The following TP53BP1 variants were observed in gnomAD, a reference collection of about 807,000 sequenced individuals.
TP53BP1 encodes tumor protein p53 binding protein 1.
Under a neutral mutation model 200.8 loss-of-function variants are expected in TP53BP1, and 61 were observed. The ratio of observed to expected loss-of-function variants is 0.30; its 90% confidence interval spans 0.25 to 0.38. The LOEUF is 0.38. TP53BP1 is among the 10% of genes least tolerant of loss of function. TP53BP1 has a pLI of 1.00. For synonymous variants in TP53BP1, 822 were observed against 844.3 expected, an observed-to-expected ratio of 0.97 and a Z score of 0.46; for missense variants, 2,144 against 2,371.9, an observed-to-expected ratio of 0.90 and a Z score of 2.00.
chr15:43,475,701 A>G lies in TP53BP1; in HGVS notation c.956-7T>C. The G allele has an allele frequency of 1.2e-6, 2 of 1,613,464 alleles. No homozygotes were observed. The highest frequency in any genetic ancestry group is 1.7e-6 in the Non-Finnish European group (2 of 1,179,988). On this transcript the variant is annotated splice_polypyrimidine_tract_variant and splice_region_variant and intron_variant, in intron 8 of 27. Transcript: ENST00000382044. ...GAGCAACCATCAGAAGATACTGAAAAAAAGAAATTCCAGTTGCACTTCTCA... is the reference window on the plus strand; with the variant it reads ...GAGCAACCATCAGAAGATACTGAAAGAAAGAAATTCCAGTTGCACTTCTCA...
chr15:43,428,293 C>G (rs2045596238), intron 17 of TP53BP1, 125 bp from the exon 18 acceptor site: 2 of 857,274 alleles, frequency 2.3e-6, no homozygotes, highest in East Asian at 5.0e-5. Flanking sequence ...AATCTTCCTA[C>G]TGTTTTGTTT....
chr15:43,406,841 C>T lies in TP53BP1; in HGVS notation c.*542G>A, dbSNP rs936567899. 4 of 321,886 alleles carry T rather than the reference C, an allele frequency of 1.2e-5. No individual in the cohort carries two copies. The highest frequency in any genetic ancestry group is 8.0e-5 in the Admixed American group (2 of 24,866). 19.9% of individuals were successfully genotyped at this position (321,886 alleles called of 1,614,324 possible). A position where few individuals can be genotyped will look rare whatever the true frequency, so the allele number is the denominator to read the frequency against. On this transcript the variant is annotated 3_prime_UTR_variant, in exon 28 of 28. Coordinates refer to ENST00000382044, the MANE Select transcript of TP53BP1 (RefSeq NM_001141980.3). ...GTCCCTTCATGGCAGTTGGTCCTTT[C>T]GTTCTCCCTTTAGCTCTAAGAGTTG...
At chr15:43,499,269 G>A (rs1466284495) in intron 1 of TP53BP1, among the ~76,000 whole-genome samples, 2 of 152,126 alleles carry the variant, frequency 1.3e-5, no homozygotes, top group East Asian at 1.9e-4. Flanking sequence ...CTACTTAAGG[G>A]TGGAGAGGGG....
At position 43,403,668 on chromosome 15, in the gene TP53BP1, C is replaced by T; in HGVS notation, c.*3715G>A. The T allele has an allele frequency of 6.3e-7, 1 of 1,590,632 alleles. No individual in the cohort carries two copies. ...CTTCCTTCCTTTCCTAATGCCAACT[C>T]TGTTTCCCGGGTAGGTGTTTCACTG... On this transcript the variant is annotated 3_prime_UTR_variant, in exon 28 of 28. Coordinates refer to ENST00000382044, the MANE Select transcript of TP53BP1 (RefSeq NM_001141980.3).
rs191819182 is a variant in TP53BP1 at position 43,433,725 on chromosome 15, C to G, written c.3192-1048G>C. ...CATGCTAAGACCACATCTGGAATAT[C>G]TGTTTCAGTTCTCGGCATGACAGTT... On this transcript the variant is annotated intron_variant, in intron 16 of 27. Transcript: ENST00000382044. 3.3e-5 allele frequency among the ~76,000 whole-genome samples: 5 copies of G among 152,286 alleles called. No homozygotes were observed. The East Asian group carries it at 9.6e-4, about 29-fold the overall frequency.
intron 12 of TP53BP1, among the ~76,000 whole-genome samples, chr15:43,455,208 C>G (rs1247949102): frequency 6.6e-6 from 1 of 152,122 alleles, no homozygotes; most frequent in East Asian, 1.9e-4. Flanking sequence ...TACTCATCAA[C>G]AGTTCTGAAT....
chr15:43,415,808 G>A lies in TP53BP1; in HGVS notation c.4875C>T (p.Asp1625=), dbSNP rs1177786605. 6.2e-7 allele frequency: 1 copy of A among 1,613,594 alleles called. No homozygotes were observed. Among genetic ancestry groups the A allele is most frequent in the Non-Finnish European group, 8.5e-7 (1 of 1,179,750 alleles). The part of the protein sequence containing the change: ...PLTKAADISL[D]NLVEGKRKRR... ...GTTTCCGCTTCCCTTCCACCAAATT[G>A]TCTATGGCAGGATAAGCCAAACAGG... is the stretch of plus-strand genomic sequence containing the variant. The change falls in exon 23 of 28, where the codon GAC becomes GAT. Residue 1625 remains aspartate, a splice_region_variant and synonymous_variant. Transcript: ENST00000382044.
At chr15:43,423,395 C>T (rs1490522803) in intron 18 of TP53BP1, among the ~76,000 whole-genome samples, 1 of 151,800 alleles carries the variant, frequency 6.6e-6, no homozygotes, top group Non-Finnish European at 1.5e-5. Flanking sequence ...TGGTGGCTCA[C>T]GCCTGTAATC....
At chr15:43,508,312 A>G (rs2079249538) in intron 1 of TP53BP1, among the ~76,000 whole-genome samples, 1 of 152,084 alleles carries the variant, frequency 6.6e-6, no homozygotes, top group Non-Finnish European at 1.5e-5. Flanking sequence ...GTGAACCAAG[A>G]TCACGCCACT....
intron 10 of TP53BP1, among the ~76,000 whole-genome samples, chr15:43,471,986 A>G (rs2046737292): frequency 2.0e-5 from 3 of 152,250 alleles, no homozygotes; most frequent in Admixed American, 2.0e-4. Context: ...TTGTAGCAGA[A>G]GAAAGCCTAA....
chr15:43,406,736 G>A lies in TP53BP1; in HGVS notation c.*647C>T, dbSNP rs1442726158. On this transcript the variant is annotated 3_prime_UTR_variant, in exon 28 of 28. Coordinates refer to ENST00000382044, the MANE Select transcript of TP53BP1 (RefSeq NM_001141980.3). ...ATAATATTGGGTCTTTGACTAGAAC[G>A]TGTAACATTTCCAGGTGTTCTCACT... 6 of 397,748 alleles carry A rather than the reference G, an allele frequency of 1.5e-5. No individual in the cohort carries two copies. The highest frequency in any genetic ancestry group is 6.1e-5 in the Admixed American group (2 of 32,646). 24.6% of individuals were successfully genotyped at this position (397,748 alleles called of 1,614,324 possible). A position where few individuals can be genotyped will look rare whatever the true frequency, so the allele number is the denominator to read the frequency against.
At chr15:43,497,695 A>G (rs2079189515), upstream of TP53BP1, among the ~76,000 whole-genome samples, 1 of 152,220 alleles carries the variant, frequency 6.6e-6, no homozygotes. Flanking sequence ...AAAGAGAGAA[A>G]GTAGAATGGT....
At chr15:43,471,472 G>A (rs2140096916) in intron 10 of TP53BP1, among the ~76,000 whole-genome samples, 1 of 152,084 alleles carries the variant, frequency 6.6e-6, no homozygotes, top group East Asian at 1.9e-4. Flanking sequence ...TGTTGTCCAG[G>A]CTGCGACGCA....
In TP53BP1 at chr15:43,406,396, A is replaced by G. The variant is rs2044879115; in HGVS notation, c.*987T>C. On this transcript the variant is annotated 3_prime_UTR_variant, in exon 28 of 28. Transcript: ENST00000382044. ...TCCCTGCTATTATCAACTAAAGATC[A>G]CCCTTTCTACTGCTGTCTCTGGAGC... 1 of 326,918 alleles carries G rather than the reference A, an allele frequency of 3.1e-6. No homozygotes were observed. The highest frequency in any genetic ancestry group is 6.0e-6 in the Non-Finnish European group (1 of 165,724). 20.3% of individuals were successfully genotyped at this position (326,918 alleles called of 1,614,324 possible).
Position 43,456,991 on chromosome 15 carries a change from G to C in TP53BP1, c.1617C>G (p.His539Gln). Residue 539 changes from histidine (H) to glutamine (Q), a missense_variant, in exon 12 of 28, where the codon CAC (histidine) becomes CAG (glutamine). Physicochemically the swap from His to Gln is conservative, Grantham distance 24 (BLOSUM62 0). Coordinates refer to ENST00000382044, the MANE Select transcript of TP53BP1 (RefSeq NM_001141980.3). ...TGTTTTCTCCATCTTCATCAATTCT[G>C]TGAGAACTCAAGCTCTCCATCTTTG... Reference protein sequence around the residue: ...QSPKMESLSSHRIDEDGENTQ... With the variant: ...QSPKMESLSSQRIDEDGENTQ... 1 of 1,614,190 alleles carries C rather than the reference G, an allele frequency of 6.2e-7. No homozygotes were observed. Among genetic ancestry groups the C allele is most frequent in the Non-Finnish European group, 8.5e-7 (1 of 1,180,038 alleles).
Position 43,493,155 on chromosome 15 carries a change from T to G in TP53BP1, c.-112A>C, listed in dbSNP as rs549551839. The G allele has an allele frequency of 2.7e-5, 42 of 1,550,826 alleles. No homozygotes were observed. The highest frequency in any genetic ancestry group is 4.8e-5 in the East Asian group (2 of 41,584). ...GCCACCGCCGCCACCGGCCGCGAAC[T>G]CCCCCTTTCCCGTCACGTCACACAA... On this transcript the variant is annotated 5_prime_UTR_variant, in exon 1 of 28. Coordinates refer to ENST00000382044, the MANE Select transcript of TP53BP1 (RefSeq NM_001141980.3).
At chr15:43,425,858 G>A (rs1472935193) in intron 18 of TP53BP1, among the ~76,000 whole-genome samples, 2 of 152,124 alleles carry the variant, frequency 1.3e-5, no homozygotes, top group East Asian at 3.9e-4. Context: ...GAGGTCAGGA[G>A]ATCGAGACCA....
intron 18 of TP53BP1, among the ~76,000 whole-genome samples, chr15:43,427,486 A>G (rs1595540822): frequency 6.6e-6 from 1 of 152,248 alleles, no homozygotes; most frequent in East Asian, 1.9e-4. Flanking sequence ...GATGGGATGC[A>G]TTAAATAACT....
At chr15:43,490,399 T>C (rs879691664) in intron 4 of TP53BP1, among the ~76,000 whole-genome samples, 9 of 151,808 alleles carry the variant, frequency 5.9e-5, no homozygotes, top group South Asian at 2.1e-4. Context: ...TTTTTTTTTT[T>C]CTTTTGTAGA....
Sources: allele counts gnomAD v4.1 joint callset (sites outside exome capture counted in the v4.1 genomes callset), GRCh38; gene constraint gnomAD v4.1.1; transcripts MANE v1.5; gene names NCBI Gene and HGNC (gene_info 2026-07-23, HGNC 2026-07-21).